Variants in BNC2 observed in about 807,000 individuals in gnomAD.
The protein encoded by BNC2 is zinc finger protein basonuclin-2.
Under a neutral mutation model 76.3 loss-of-function variants are expected in BNC2, and 20 were observed. The ratio of observed to expected loss-of-function variants is 0.26; its 90% CI spans 0.18 to 0.38. BNC2 has a LOEUF of 0.38. Among genes scored for constraint, BNC2 ranks in the 10% least tolerant of loss-of-function variants. BNC2 has a pLI of 1.00. For missense variants in BNC2, 1,382 were observed against 1,399.8 expected (o/e 0.99, Z 0.20); for synonymous variants, 582 against 514.8 (o/e 1.13, Z -1.77).
chr9:16,647,093 AGAT>A (rs1164160427), intron 3 of BNC2, among the ~76,000 whole-genome samples: 1 of 152,212 alleles, frequency 6.6e-6, no homozygotes, highest in African/African-American at 2.4e-5. Flanking sequence ...ACCTGGTTGT[AGAT>A]GATATTTCCC....
chr9:16,676,016 G>C (rs555654307), intron 3 of BNC2, among the ~76,000 whole-genome samples: 4 of 152,258 alleles, frequency 2.6e-5, no homozygotes, highest in Middle Eastern at 3.4e-3. Flanking sequence ...AGTGAGCCAA[G>C]ATTTCACCAC....
chr9:16,657,579 A>G (rs1251371012), intron 3 of BNC2, among the ~76,000 whole-genome samples: 2 of 152,172 alleles, frequency 1.3e-5, no homozygotes, highest in Admixed American at 6.5e-5. Context: ...GGACTGCCAG[A>G]TGGAAACAGA....
intron 3 of BNC2, among the ~76,000 whole-genome samples, chr9:16,627,027 T>A (rs1395846817): frequency 6.6e-6 from 1 of 152,220 alleles, no homozygotes; most frequent in African/African-American, 2.4e-5. Flanking sequence ...TGCACCTTTT[T>A]ACGCTCTGTT....
At chr9:16,833,473 G>T (rs1422709229) in intron 1 of BNC2, among the ~76,000 whole-genome samples, 1 of 152,168 alleles carries the variant, frequency 6.6e-6, no homozygotes, top group East Asian at 1.9e-4. Flanking sequence ...GAGCTTCGAG[G>T]TCATTAGCCT....
chr9:16,697,273 G>A (rs763215761), intron 3 of BNC2, among the ~76,000 whole-genome samples: 3 of 152,218 alleles, frequency 2.0e-5, no homozygotes, highest in Middle Eastern at 3.4e-3. Context: ...CAGGAGAATC[G>A]CTTGAACCAG....
intron 3 of BNC2, among the ~76,000 whole-genome samples, chr9:16,710,550 T>G (rs1268054332): frequency 6.6e-6 from 1 of 152,210 alleles, no homozygotes; most frequent in African/African-American, 2.4e-5. Context: ...ACATATATTC[T>G]GGGCAGTGTG....
At chr9:16,664,925 T>C (rs942154984) in intron 3 of BNC2, 1 of 317,728 alleles carries the variant, frequency 3.1e-6, no homozygotes, top group African/African-American at 2.5e-5. Context: ...ATTCAGAATA[T>C]AGTGAATCTT....
At chr9:16,803,376 A>C (rs1460884013) in intron 1 of BNC2, among the ~76,000 whole-genome samples, 1 of 152,216 alleles carries the variant, frequency 6.6e-6, no homozygotes, top group Non-Finnish European at 1.5e-5. Flanking sequence ...CTGCCCCAAA[A>C]AGAGCAAAGT....
At chr9:16,868,587 T>C (rs1819599285) in intron 1 of BNC2, among the ~76,000 whole-genome samples, 1 of 152,216 alleles carries the variant, frequency 6.6e-6, no homozygotes, top group South Asian at 2.1e-4. Flanking sequence ...CAGACCTTTC[T>C]CAAAAGATAC....
intron 3 of BNC2, among the ~76,000 whole-genome samples, chr9:16,720,831 C>T (rs1006795317): frequency 6.6e-6 from 1 of 152,090 alleles, no homozygotes; most frequent in African/African-American, 2.4e-5. Context: ...AGCGATTCCT[C>T]TCTTCTCCTG....
At chr9:16,486,447 T>C (rs1332457138) in intron 5 of BNC2, among the ~76,000 whole-genome samples, 2 of 152,226 alleles carry the variant, frequency 1.3e-5, no homozygotes, top group Admixed American at 6.5e-5. Flanking sequence ...TACTTAATCT[T>C]CTGACACCCA....
chr9:16,426,982 G>T (rs971011884), intron 6 of BNC2, among the ~76,000 whole-genome samples: 2 of 152,170 alleles, frequency 1.3e-5, no homozygotes, highest in African/African-American at 2.4e-5. Flanking sequence ...GTGATCTAAA[G>T]AAACCACTGA....
chr9:16,559,296 C>T (rs1197507191), intron 4 of BNC2, among the ~76,000 whole-genome samples: 2 of 151,986 alleles, frequency 1.3e-5, no homozygotes, highest in Non-Finnish European at 2.9e-5. Context: ...TTTAGTTTAT[C>T]AGCTATCGTT....
chr9:16,583,137 C>G (rs1819674941), intron 3 of BNC2, 52 bp from the exon 4 acceptor site: 1 of 1,386,392 alleles, frequency 7.2e-7, no homozygotes, highest in African/African-American at 1.4e-5. Context: ...AGATACTATA[C>G]TCTTTTCACC....
chr9:16,716,019 C>T (rs1316463942), intron 3 of BNC2, among the ~76,000 whole-genome samples: 1 of 152,190 alleles, frequency 6.6e-6, no homozygotes, highest in African/African-American at 2.4e-5. Context: ...AAATCCAGAA[C>T]TGATGACCCA....
At chr9:16,646,347 T>C (rs1312704873) in intron 3 of BNC2, among the ~76,000 whole-genome samples, 6 of 152,198 alleles carry the variant, frequency 3.9e-5, no homozygotes, top group African/African-American at 7.2e-5. Context: ...GTCTCCACTA[T>C]ATAGAAACAA....
chr9:16,500,995 C>A (rs1293940384), intron 5 of BNC2, among the ~76,000 whole-genome samples: 1 of 152,150 alleles, frequency 6.6e-6, no homozygotes, highest in Non-Finnish European at 1.5e-5. Context: ...GACTCCAGAG[C>A]TAGACTGTGT....
At chr9:16,672,223 C>T (rs1235288685) in intron 3 of BNC2, among the ~76,000 whole-genome samples, 2 of 152,168 alleles carry the variant, frequency 1.3e-5, no homozygotes, top group Admixed American at 6.5e-5. Context: ...ATTGGCCGGA[C>T]GCGGTGGCTC....
chr9:16,786,322 T>TGG (rs1826293033), intron 1 of BNC2, among the ~76,000 whole-genome samples: 3 of 152,194 alleles, frequency 2.0e-5, no homozygotes, highest in Admixed American at 2.0e-4. Flanking sequence ...ACTGAGCCAT[T>TGG]GGAGAATGGT....
Sources: gnomAD v4.1 joint callset for allele counts (sites outside exome capture counted in the v4.1 genomes callset) on GRCh38, gnomAD v4.1.1 for gene constraint, MANE v1.5 for transcripts, NCBI Gene and HGNC (gene_info 2026-07-23, HGNC 2026-07-21) for gene names.